The following TCF7L2 variants were observed in gnomAD, a reference collection of about 807,000 sequenced individuals.
TCF7L2 encodes the protein transcription factor 7-like 2.
A neutral mutation model predicts 77.9 loss-of-function variants in TCF7L2; 23 were observed. The ratio of observed to expected loss-of-function variants is 0.30; its 90% confidence interval spans 0.21 to 0.42. The LOEUF is 0.42. TCF7L2 is among the 10% of genes least tolerant of loss of function. The pLI is 1.00. For missense variants in TCF7L2, 654 were observed against 793.1 expected (o/e 0.82, Z 2.11); for synonymous variants, 413 against 340.2 (o/e 1.21, Z -2.36).
chr10:113,040,405 A>G (rs896609233), intron 5 of TCF7L2, among the ~76,000 whole-genome samples: 1 of 152,224 alleles, frequency 6.6e-6, no homozygotes, highest in Non-Finnish European at 1.5e-5. Flanking sequence ...TATAGGACAC[A>G]ATCACCATGG....
chr10:113,069,441 G>A (rs1564849959), intron 5 of TCF7L2, among the ~76,000 whole-genome samples: 1 of 152,058 alleles, frequency 6.6e-6, no homozygotes, highest in Non-Finnish European at 1.5e-5. Flanking sequence ...TGTTGGCCAG[G>A]CTGGTCTCGA....
At chr10:113,065,164 C>G (rs1421044240) in intron 5 of TCF7L2, among the ~76,000 whole-genome samples, 1 of 152,230 alleles carries the variant, frequency 6.6e-6, no homozygotes, top group Non-Finnish European at 1.5e-5. Flanking sequence ...CCAGCTACTC[C>G]TAGTACCCAG....
At chr10:113,111,354 C>T (rs1333180647) in intron 5 of TCF7L2, among the ~76,000 whole-genome samples, 1 of 152,046 alleles carries the variant, frequency 6.6e-6, no homozygotes, top group African/African-American at 2.4e-5. Context: ...TAGAACAGAG[C>T]CAGGCATGAA....
At chr10:113,042,508 T>A (rs1036564496) in intron 5 of TCF7L2, among the ~76,000 whole-genome samples, 5 of 152,134 alleles carry the variant, frequency 3.3e-5, no homozygotes, top group Non-Finnish European at 7.4e-5. Flanking sequence ...TGGTTTACAT[T>A]TGTGAAATAC....
At chr10:113,063,749 G>A (rs2134985652) in intron 5 of TCF7L2, among the ~76,000 whole-genome samples, 1 of 152,272 alleles carries the variant, frequency 6.6e-6, no homozygotes, top group Admixed American at 6.5e-5. Context: ...ACAAGAAAAA[G>A]GAGCCAAGAA....
At chr10:113,042,412 C>G (rs2052612385) in intron 5 of TCF7L2, among the ~76,000 whole-genome samples, 1 of 152,114 alleles carries the variant, frequency 6.6e-6, no homozygotes, top group African/African-American at 2.4e-5. Flanking sequence ...TGGCCATTGC[C>G]TAGAGGGGAT....
intron 5 of TCF7L2, among the ~76,000 whole-genome samples, chr10:113,098,452 A>G (rs533001396): frequency 6.6e-6 from 1 of 152,228 alleles, no homozygotes; most frequent in Non-Finnish European, 1.5e-5. Flanking sequence ...CACGCCTGTA[A>G]TCCCAGCACT....
chr10:113,019,999 C>T (rs902257577), intron 4 of TCF7L2, among the ~76,000 whole-genome samples: 1 of 152,126 alleles, frequency 6.6e-6, no homozygotes, highest in Admixed American at 6.5e-5. Context: ...TGAAATGTCA[C>T]CTTTGCCCTT....
chr10:113,140,484 C>T (rs1010999673), intron 5 of TCF7L2, among the ~76,000 whole-genome samples: 2 of 152,136 alleles, frequency 1.3e-5, no homozygotes, highest in African/African-American at 2.4e-5. Context: ...AATGTATTAG[C>T]GTTCCCGGAT....
Position 113,165,447 on chromosome 10 carries a change from C to T in TCF7L2, c.1392-108C>T, listed in dbSNP as rs190732655. The T allele has an allele frequency of 2.6e-4, 327 of 1,265,528 alleles. 1 individual carries two copies. In the African/African-American group the frequency reaches 4.4e-3, roughly 17 times the overall value. 78.4% of individuals were successfully genotyped at this position (1,265,528 alleles called of 1,614,324 possible). On this transcript the variant is annotated intron_variant, in intron 13 of 13. Transcript: ENST00000627217. ...CCTCGGACCACTGGGCGTGCCACCTCTGTGGGACATCCCTTAGGTGACCTC... is the reference window on the plus strand; with the variant it reads ...CCTCGGACCACTGGGCGTGCCACCTTTGTGGGACATCCCTTAGGTGACCTC...
chr10:113,019,294 C>A (rs1171712262), intron 4 of TCF7L2, among the ~76,000 whole-genome samples: 1 of 152,136 alleles, frequency 6.6e-6, no homozygotes, highest in Non-Finnish European at 1.5e-5. Flanking sequence ...GGTTAACAGT[C>A]GCTCCTGCTT....
intron 4 of TCF7L2, among the ~76,000 whole-genome samples, chr10:112,970,673 G>A (rs2038049870): frequency 6.6e-6 from 1 of 152,112 alleles, no homozygotes; most frequent in Non-Finnish European, 1.5e-5. Context: ...GGCAGTGTTT[G>A]CAGGGCGCTT....
chr10:112,962,777 T>C (rs2035601079), intron 3 of TCF7L2, among the ~76,000 whole-genome samples: 1 of 152,166 alleles, frequency 6.6e-6, no homozygotes. Context: ...TTTTGTATTC[T>C]TGGTAGAGAC....
At chr10:112,973,221 C>CG (rs1474409315) in intron 4 of TCF7L2, among the ~76,000 whole-genome samples, 2 of 152,194 alleles carry the variant, frequency 1.3e-5, no homozygotes, top group Non-Finnish European at 2.9e-5. Context: ...AAGCTTGGAA[C>CG]GGGTCCTGAC....
chr10:112,998,097 CCTA>C (rs1275071429), intron 4 of TCF7L2, among the ~76,000 whole-genome samples: 1 of 151,012 alleles, frequency 6.6e-6, no homozygotes, highest in African/African-American at 2.4e-5. Context: ...AGGTTCTGGT[CCTA>C]CTTTTTTTTT....
intron 3 of TCF7L2, among the ~76,000 whole-genome samples, chr10:112,961,840 T>C (rs1174650028): frequency 2.1e-5 from 1 of 47,876 alleles, no homozygotes; most frequent in Admixed American, 2.6e-4. Flanking sequence ...GGGGGTGGGG[T>C]GGGGGGCATT....
intron 5 of TCF7L2, among the ~76,000 whole-genome samples, chr10:113,047,903 C>T (rs764880059): frequency 6.6e-6 from 1 of 152,166 alleles, no homozygotes; most frequent in Non-Finnish European, 1.5e-5. Flanking sequence ...TTTGGCAGCT[C>T]AGCTCGGGGC....
At chr10:113,030,973 G>A (rs1258595975) in intron 4 of TCF7L2, among the ~76,000 whole-genome samples, 2 of 152,160 alleles carry the variant, frequency 1.3e-5, no homozygotes, top group African/African-American at 2.4e-5. Context: ...CCTGTCTTGG[G>A]ACTGCACCAT....
intron 4 of TCF7L2, among the ~76,000 whole-genome samples, chr10:112,998,008 G>T (rs2043805226): frequency 6.6e-6 from 1 of 152,104 alleles, no homozygotes; most frequent in Non-Finnish European, 1.5e-5. Flanking sequence ...CAAAAAAAAG[G>T]TGTGGGGGTA....
Sources: gnomAD v4.1 joint callset for allele counts (sites outside exome capture counted in the v4.1 genomes callset) on GRCh38, gnomAD v4.1.1 for gene constraint, MANE v1.5 for transcripts, NCBI Gene and HGNC (gene_info 2026-07-23, HGNC 2026-07-21) for gene names.